The following CSMD1 variants were observed in gnomAD, a reference collection of about 807,000 sequenced individuals.
CSMD1 encodes CUB and Sushi multiple domains 1, also known as CUB and sushi domain-containing protein 1.
In CSMD1, 213 loss-of-function variants were observed where a neutral mutation model predicts 417.5. The observed-to-expected ratio is 0.51, with a 90% CI of 0.46 to 0.57. The LOEUF is 0.57. Ranked by LOEUF, CSMD1 falls within the 20% of genes least tolerant of loss-of-function variation. The pLI is 0.00. For missense variants in CSMD1, 6,923 were observed against 4,529.7 expected (o/e 1.53, Z -15.17); for synonymous variants, 2,862 against 1,736.8 (o/e 1.65, Z -16.11).
chr8:4,362,368 C>T (rs1384470870), intron 3 of CSMD1, among the ~76,000 whole-genome samples: 2 of 151,746 alleles, frequency 1.3e-5, no homozygotes, highest in African/African-American at 4.9e-5. Flanking sequence ...CCCCTGCACT[C>T]ATAGTGGTCC....
chr8:3,788,293 G>A (rs1168300220), intron 5 of CSMD1, among the ~76,000 whole-genome samples: 4 of 152,124 alleles, frequency 2.6e-5, no homozygotes, highest in South Asian at 2.1e-4. Flanking sequence ...CTTTTTCATA[G>A]CATTTTAGTA....
intron 5 of CSMD1, among the ~76,000 whole-genome samples, chr8:3,805,265 G>T (rs1222922291): frequency 1.3e-5 from 2 of 152,070 alleles, no homozygotes; most frequent in Non-Finnish European, 2.9e-5. Context: ...TTTCTCCTAG[G>T]GCATCAGCAT....
intron 6 of CSMD1, among the ~76,000 whole-genome samples, chr8:3,717,612 C>T (rs1055725888): frequency 2.6e-5 from 4 of 152,260 alleles, no homozygotes; most frequent in African/African-American, 9.6e-5. Flanking sequence ...GTAAACCCAT[C>T]ACCACAGACA....
At chr8:3,404,510 G>C (rs1473292226) in intron 15 of CSMD1, among the ~76,000 whole-genome samples, 1 of 152,114 alleles carries the variant, frequency 6.6e-6, no homozygotes, top group East Asian at 1.9e-4. Context: ...TAGAGTCCTT[G>C]ATAGAGATGA....
chr8:4,237,349 A>C (rs1398965567), intron 3 of CSMD1, among the ~76,000 whole-genome samples: 1 of 152,068 alleles, frequency 6.6e-6, no homozygotes, highest in Non-Finnish European at 1.5e-5. Flanking sequence ...CCTTCAACAG[A>C]AAACATTATT....
chr8:4,441,260 GTTTTTT>G (rs34935169), intron 2 of CSMD1, among the ~76,000 whole-genome samples: 5 of 67,010 alleles, frequency 7.5e-5, no homozygotes, highest in East Asian at 5.6e-4. Flanking sequence ...ACTACACTCA[GTTTTTT>G]TTTTTTTTTT....
At chr8:4,451,671 C>A (rs1018594196) in intron 2 of CSMD1, among the ~76,000 whole-genome samples, 1 of 152,054 alleles carries the variant, frequency 6.6e-6, no homozygotes, top group Non-Finnish European at 1.5e-5. Flanking sequence ...CAATTGAGTT[C>A]ACTGATGACC....
At position 4,772,748 on chromosome 8, in the gene CSMD1, C is replaced by T. The variant is rs1024350035; in HGVS notation, c.86-135190G>A. Among the ~76,000 whole-genome samples the T allele has an allele frequency of 9.2e-5, 14 of 152,188 alleles. No individual in the cohort carries two copies. In the East Asian group the frequency reaches 1.9e-3, roughly 21 times the overall value. On this transcript the variant is annotated intron_variant, in intron 1 of 69. Coordinates refer to ENST00000635120, the MANE Select transcript of CSMD1 (RefSeq NM_033225.6). ...ATTCAGATGAAGTGGATTCAGATCC[C>T]GGAAGAACCTCTTGGCTAACAGATC...
intron 1 of CSMD1, among the ~76,000 whole-genome samples, chr8:4,756,544 G>C (rs1162253552): frequency 2.6e-5 from 4 of 152,250 alleles, no homozygotes; most frequent in South Asian, 2.1e-4. Flanking sequence ...ACTCCAACGA[G>C]GTATGTATAA....
Position 3,118,472 on chromosome 8 carries a change from T to C in CSMD1, c.6357A>G (p.Leu2119=). The change falls in exon 42 of 70, where the codon CTA becomes CTG. Residue 2119 remains leucine (L), a synonymous_variant. Coordinates refer to ENST00000635120, the MANE Select transcript of CSMD1 (RefSeq NM_033225.6). Reference sequence around the variant, plus strand: ...GACAAGTGAGGACAGGATGGCCTATTAGAATGTACCCAGGATAACACTCGA... The same window carrying C: ...GACAAGTGAGGACAGGATGGCCTATCAGAATGTACCCAGGATAACACTCGA... ...VSFECYPGYI[L]IGHPVLTCQH... is the part of the protein sequence containing the mutation. The C allele has an allele frequency of 6.2e-7, 1 of 1,613,920 alleles. No homozygotes were observed. Among genetic ancestry groups the C allele is most frequent in the Non-Finnish European group, 8.5e-7 (1 of 1,179,830 alleles).
At chr8:4,350,956 C>A (rs949899067) in intron 3 of CSMD1, among the ~76,000 whole-genome samples, 6 of 152,120 alleles carry the variant, frequency 3.9e-5, no homozygotes, top group African/African-American at 1.4e-4. Flanking sequence ...TTCTGCAAGT[C>A]ATCGTTTAAA....
chr8:4,547,311 G>C (rs1324032929), intron 2 of CSMD1, among the ~76,000 whole-genome samples: 5 of 152,116 alleles, frequency 3.3e-5, no homozygotes, highest in African/African-American at 9.7e-5. Context: ...AACTAGGCTT[G>C]AATTTTCCAA....
intron 26 of CSMD1, among the ~76,000 whole-genome samples, chr8:3,233,785 C>G (rs1052249642): frequency 6.6e-6 from 1 of 152,204 alleles, no homozygotes; most frequent in East Asian, 1.9e-4. Flanking sequence ...TCTTTGCATT[C>G]TGCTTTGAAG....
intron 2 of CSMD1, among the ~76,000 whole-genome samples, chr8:4,591,038 C>T (rs1301480014): frequency 2.6e-5 from 4 of 152,184 alleles, no homozygotes; most frequent in African/African-American, 7.2e-5. Context: ...TTGCATGTTT[C>T]TCTGAAGCCT....
At chr8:4,213,366 G>T (rs995063161) in intron 3 of CSMD1, among the ~76,000 whole-genome samples, 6 of 152,252 alleles carry the variant, frequency 3.9e-5, no homozygotes, top group Admixed American at 3.3e-4. Context: ...ACAAAAAAAG[G>T]CTATTCTTTG....
chr8:3,576,163 G>C lies in CSMD1; in HGVS notation c.1223-1097C>G, dbSNP rs185830702. ...TACAAAACTCAGCACAACAGGACTT[G>C]TGACTTAACAAGGGCTACTTTGTGG... On this transcript the variant is annotated intron_variant, in intron 9 of 69. Coordinates refer to ENST00000635120, the MANE Select transcript of CSMD1 (RefSeq NM_033225.6). Among the ~76,000 whole-genome samples, 5 of 152,114 alleles carry C rather than the reference G, an allele frequency of 3.3e-5. No homozygotes were observed. In the East Asian group the frequency reaches 5.8e-4, roughly 18 times the overall value.
At chr8:3,707,961 T>A (rs1801269021) in intron 7 of CSMD1, among the ~76,000 whole-genome samples, 1 of 152,162 alleles carries the variant, frequency 6.6e-6, no homozygotes, top group Admixed American at 6.5e-5. Context: ...TGTTTTCTCT[T>A]TGGAAGGACG....
intron 3 of CSMD1, among the ~76,000 whole-genome samples, chr8:4,173,987 G>A (rs946846298): frequency 1.4e-4 from 21 of 152,260 alleles, no homozygotes; most frequent in African/African-American, 5.1e-4. Context: ...GGAAGCAAAG[G>A]ATATGTGACC....
intron 2 of CSMD1, among the ~76,000 whole-genome samples, chr8:4,571,774 A>C (rs982907766): frequency 6.6e-6 from 1 of 152,098 alleles, no homozygotes; most frequent in South Asian, 2.1e-4. Flanking sequence ...GTCTCTTTGT[A>C]CGTCTCTAAG....
Sources: gnomAD v4.1 joint callset for allele counts (sites outside exome capture counted in the v4.1 genomes callset) on GRCh38, gnomAD v4.1.1 for gene constraint, MANE v1.5 for transcripts, NCBI Gene and HGNC (gene_info 2026-07-23, HGNC 2026-07-21) for gene names.